TNRC6B: variants seen among roughly 807,000 people sequenced by gnomAD.
TNRC6B encodes the protein trinucleotide repeat containing adaptor 6B, also known as trinucleotide repeat-containing gene 6B protein.
In TNRC6B, 52 loss-of-function variants were observed where a neutral mutation model predicts 203.6. That is an observed-to-expected ratio of 0.26 (90% CI 0.20 to 0.32). The LOEUF is 0.32. Ranked by LOEUF, TNRC6B falls within the 10% of genes least tolerant of loss-of-function variation. TNRC6B has a pLI of 1.00. For synonymous variants in TNRC6B, 838 were observed against 845.7 expected, an observed-to-expected ratio of 0.99 and a Z score of 0.16; for missense variants, 1,923 against 2,286.2, an observed-to-expected ratio of 0.84 and a Z score of 3.24.
At chr22:40,277,565 A>G (rs1485530771) in intron 8 of TNRC6B, among the ~76,000 whole-genome samples, 1 of 152,230 alleles carries the variant, frequency 6.6e-6, no homozygotes, top group Non-Finnish European at 1.5e-5. Flanking sequence ...TCTCTCGGCA[A>G]CGTTGTGGGG....
At chr22:40,258,071 CTTTT>C (rs56078653) in intron 3 of TNRC6B, among the ~76,000 whole-genome samples, 58 of 28,712 alleles carry the variant, frequency 2.0e-3, no homozygotes, top group East Asian at 7.5e-3. Context: ...GATACACAGC[CTTTT>C]TTTTTTTTTT....
upstream of TNRC6B, among the ~76,000 whole-genome samples, chr22:40,177,439 T>C (rs2069073903): frequency 6.6e-6 from 1 of 152,236 alleles, no homozygotes; most frequent in East Asian, 1.9e-4. Flanking sequence ...TTTATACTTT[T>C]GTGCGTTTCT....
chr22:40,051,224 T>C (rs1230233716), intron 1 of TNRC6B, among the ~76,000 whole-genome samples: 1 of 152,190 alleles, frequency 6.6e-6, no homozygotes, highest in Non-Finnish European at 1.5e-5. Flanking sequence ...ATTCCAAAAT[T>C]GCTGAAGAGG....
chr22:40,199,208 C>T (rs2069378423), intron 1 of TNRC6B, among the ~76,000 whole-genome samples: 2 of 152,142 alleles, frequency 1.3e-5, no homozygotes, highest in South Asian at 4.1e-4. Context: ...GCTTCACCTA[C>T]TTTGTAAGAA....
chr22:40,219,696 C>G (rs2069682222), intron 1 of TNRC6B, among the ~76,000 whole-genome samples: 1 of 152,210 alleles, frequency 6.6e-6, no homozygotes, highest in Non-Finnish European at 1.5e-5. Context: ...CTGGATCGTT[C>G]TTCCCCATGG....
chr22:40,185,997 G>C (rs2069196965), intron 1 of TNRC6B, among the ~76,000 whole-genome samples: 1 of 152,162 alleles, frequency 6.6e-6, no homozygotes, highest in Non-Finnish European at 1.5e-5. Context: ...CTGGTTAGCA[G>C]GCAGCTGGCA....
chr22:40,231,001 C>T (rs143554975), intron 1 of TNRC6B, among the ~76,000 whole-genome samples: 168 of 152,200 alleles, frequency 1.1e-3, no homozygotes, highest in African/African-American at 4.0e-3. Flanking sequence ...ACTCTCTTTT[C>T]TCAGCTAAAT....
chr22:40,323,344 A>T lies in TNRC6B; in HGVS notation c.*103A>T. 1 of 1,392,996 alleles carries T rather than the reference A, an allele frequency of 7.2e-7. No individual in the cohort carries two copies. The highest frequency in any genetic ancestry group is 9.6e-7 in the Non-Finnish European group (1 of 1,044,612). 86.3% of individuals were successfully genotyped at this position (1,392,996 alleles called of 1,614,324 possible). ...TTCAACTTGCAATAAATACATTTTT[A>T]AAAGGAAAAAAGAAAACGGAGAGAA... On this transcript the variant is annotated 3_prime_UTR_variant, in exon 23 of 23. Coordinates refer to ENST00000454349, the MANE Select transcript of TNRC6B (RefSeq NM_001162501.2).
chr22:40,058,146 T>C lies in TNRC6B; in HGVS notation c.-121+13148T>C, dbSNP rs150191500. 9.5e-4 allele frequency among the ~76,000 whole-genome samples: 145 copies of C among 152,312 alleles called. 3 individuals carry two copies. Among genetic ancestry groups the C allele is most frequent in the Admixed American group, 8.8e-3 (134 of 15,288 alleles). On this transcript the variant is annotated intron_variant, in intron 1 of 23. Transcript: ENST00000301923. ...CCATGCAGGTGGGTCTGTGGACTGC[T>C]CCAGAAAGAGGAGATCTTTTTATGC...
chr22:40,182,673 G>A (rs978420741), intron 1 of TNRC6B, among the ~76,000 whole-genome samples: 7 of 152,186 alleles, frequency 4.6e-5, no homozygotes, highest in African/African-American at 1.7e-4. Flanking sequence ...CTTGCCATCT[G>A]GTGACTAACT....
In TNRC6B at chr22:40,301,286, G is replaced by A. The variant is rs781107583; in HGVS notation, c.4073G>A (p.Gly1358Glu). ...ATGGTACCCAACGCATTGAATGTGGGGCTCCCAGACCTTCAAACCAAAGGG... is the reference window on the plus strand; with the variant it reads ...ATGGTACCCAACGCATTGAATGTGGAGCTCCCAGACCTTCAAACCAAAGGG... Reference protein sequence around the residue: ...DNMVPNALNVGLPDLQTKGPI... With the variant: ...DNMVPNALNVELPDLQTKGPI... The change falls in exon 15 of 23, where the codon GGG (glycine) becomes GAG (glutamate). Residue 1358 changes from glycine (G) to glutamate (E), a missense_variant. Transcript: ENST00000454349. The A allele has an allele frequency of 3.1e-6, 5 of 1,601,590 alleles. No homozygotes were observed. The highest frequency in any genetic ancestry group is 2.2e-5 in the East Asian group (1 of 44,592).
At chr22:40,245,990 T>C in intron 1 of TNRC6B, 25 bp from the exon 2 acceptor site, 1 of 1,520,266 alleles carries the variant, frequency 6.6e-7, no homozygotes, top group South Asian at 1.2e-5. Flanking sequence ...ATGTATAACC[T>C]TCTGTTATGA....
intron 12 of TNRC6B, among the ~76,000 whole-genome samples, chr22:40,297,515 AAATTAAAAAATC>A (rs1444005342): frequency 6.6e-6 from 1 of 152,130 alleles, no homozygotes; most frequent in African/African-American, 2.4e-5. Flanking sequence ...TCTTAAGCTC[AAATTAAAAAATC>A]AATAAAAATT....
At chr22:40,126,048 A>G (rs2068490476) in intron 3 of TNRC6B, among the ~76,000 whole-genome samples, 1 of 152,214 alleles carries the variant, frequency 6.6e-6, no homozygotes, top group African/African-American at 2.4e-5. Context: ...CTAATTTAAA[A>G]CAATTTTACT....
rs2070568553 is a variant in TNRC6B at position 40,271,903 on chromosome 22, G to A, written c.2966-1522G>A. ...GTTACCCTGTGATCTTCTGTAGCCT[G>A]TCTTAAATTTGATGTTATGAATCCT... is the stretch of plus-strand genomic sequence containing the variant. On this transcript the variant is annotated intron_variant, in intron 6 of 22. Transcript: ENST00000454349. Among the ~76,000 whole-genome samples, 5 of 152,290 alleles carry A rather than the reference G, an allele frequency of 3.3e-5. No individual in the cohort carries two copies. The South Asian group carries it at 1.0e-3, about 32-fold the overall frequency.
At chr22:40,079,841 G>A (rs2068050685) in intron 1 of TNRC6B, among the ~76,000 whole-genome samples, 1 of 151,964 alleles carries the variant, frequency 6.6e-6, no homozygotes, top group Non-Finnish European at 1.5e-5. Context: ...TGTCGCCTAG[G>A]CTGGCGTGCA....
chr22:40,130,951 G>A (rs916050119), intron 3 of TNRC6B, among the ~76,000 whole-genome samples: 11 of 151,294 alleles, frequency 7.3e-5, no homozygotes, highest in Non-Finnish European at 1.5e-4. Context: ...GCCCAGGCTG[G>A]AGTGCAGTGG....
chr22:40,317,272 C>T (rs574583375), intron 21 of TNRC6B, among the ~76,000 whole-genome samples: 34 of 152,162 alleles, frequency 2.2e-4, no homozygotes, highest in Non-Finnish European at 3.7e-4. Context: ...GATCATTTGA[C>T]TTCATAGTTT....
intron 4 of TNRC6B, among the ~76,000 whole-genome samples, chr22:40,157,253 AACT>A (rs1477935181): frequency 2.0e-5 from 3 of 152,120 alleles, no homozygotes; most frequent in Admixed American, 1.3e-4. Context: ...GTACTGACAT[AACT>A]ACTATTTTTT....
Sources: gnomAD v4.1 joint callset for allele counts (sites outside exome capture counted in the v4.1 genomes callset) on GRCh38, gnomAD v4.1.1 for gene constraint, MANE v1.5 for transcripts, NCBI Gene and HGNC (gene_info 2026-07-23, HGNC 2026-07-21) for gene names.